LRMDA: variants seen among roughly 807,000 people sequenced by gnomAD.
LRMDA encodes the protein leucine-rich melanocyte differentiation-associated protein.
LRMDA carries 18 observed loss-of-function variants against 29.8 expected under a neutral mutation model. The ratio of observed to expected loss-of-function variants is 0.60; its 90% CI spans 0.42 to 0.90. LRMDA has a LOEUF of 0.90. LRMDA is among the 40% of genes least tolerant of loss of function. The probability of loss-of-function intolerance (pLI) is 0.00; values close to 1 mark genes in which losing one functional copy is unlikely to be tolerated. For synonymous variants in LRMDA, 125 were observed against 109.4 expected (o/e 1.14, Z -0.89); for missense variants, 273 against 273.9 (o/e 1.00, Z 0.02).
At chr10:76,408,552 T>C (rs6480815) in intron 6 of LRMDA, among the ~76,000 whole-genome samples, 128,027 of 152,042 alleles carry the variant, frequency 0.84, 54,921 homozygotes, top group Non-Finnish European at 0.94. Flanking sequence ...GTCCTTCAGG[T>C]GCCAGGGCAG....
intron 2 of LRMDA, among the ~76,000 whole-genome samples, chr10:75,531,322 C>T (rs372742059): frequency 9.9e-5 from 15 of 152,038 alleles, no homozygotes; most frequent in Admixed American, 4.6e-4. Flanking sequence ...AAGGATGAGG[C>T]GTTATTCCAA....
intron 5 of LRMDA, among the ~76,000 whole-genome samples, chr10:76,081,310 T>TA (rs913189005): frequency 2.0e-5 from 3 of 152,016 alleles, no homozygotes; most frequent in African/African-American, 7.2e-5. Flanking sequence ...ATCCTATCTA[T>TA]AAAAAATACA....
At chr10:76,151,962 TAAAG>T (rs1440881466) in intron 5 of LRMDA, among the ~76,000 whole-genome samples, 8 of 152,192 alleles carry the variant, frequency 5.3e-5, no homozygotes, top group African/African-American at 1.4e-4. Context: ...TTCTTAAAAA[TAAAG>T]AAAGCCCACA....
intron 2 of LRMDA, among the ~76,000 whole-genome samples, chr10:75,890,250 A>G (rs1845461661): frequency 6.6e-6 from 1 of 152,382 alleles, no homozygotes; most frequent in South Asian, 2.1e-4. Flanking sequence ...TCAAAAATTC[A>G]TAAGTATATT....
chr10:75,994,573 T>C (rs916825694), intron 2 of LRMDA, among the ~76,000 whole-genome samples: 6 of 152,192 alleles, frequency 3.9e-5, no homozygotes, highest in Non-Finnish European at 8.8e-5. Context: ...GGACACTCCA[T>C]GTTGCCTGAG....
At chr10:76,111,623 T>C (rs942210741) in intron 5 of LRMDA, among the ~76,000 whole-genome samples, 8 of 152,238 alleles carry the variant, frequency 5.3e-5, no homozygotes, top group African/African-American at 1.9e-4. Flanking sequence ...AAAAAGACAT[T>C]AGGCACCCAC....
intron 5 of LRMDA, among the ~76,000 whole-genome samples, chr10:76,308,332 C>T (rs893025570): frequency 1.3e-5 from 2 of 152,158 alleles, no homozygotes; most frequent in Non-Finnish European, 2.9e-5. Context: ...TTTGTCATAG[C>T]AGCGATCTCA....
chr10:76,319,139 GACCTC>G (rs1257775331), intron 5 of LRMDA: 1 of 152,230 alleles, frequency 6.6e-6, no homozygotes, highest in African/African-American at 2.4e-5. Context: ...TCGATCTCCT[GACCTC>G]GTGATCCACC....
chr10:76,256,359 C>G (rs112490688), intron 5 of LRMDA, among the ~76,000 whole-genome samples: 275 of 152,206 alleles, frequency 1.8e-3, no homozygotes, highest in African/African-American at 5.3e-3. Flanking sequence ...GAATTTTCTC[C>G]CACATGCAAA....
intron 2 of LRMDA, among the ~76,000 whole-genome samples, chr10:75,618,731 GA>G (rs898790046): frequency 6.8e-6 from 1 of 147,486 alleles, no homozygotes; most frequent in African/African-American, 2.5e-5. Flanking sequence ...TAGTAAGCTA[GA>G]AAAAAGAAAT....
At chr10:76,301,319 C>T (rs985606289) in intron 5 of LRMDA, among the ~76,000 whole-genome samples, 2 of 152,144 alleles carry the variant, frequency 1.3e-5, no homozygotes, top group Non-Finnish European at 2.9e-5. Context: ...TTTTTACATA[C>T]ATGTGAGAGG....
intron 2 of LRMDA, among the ~76,000 whole-genome samples, chr10:75,475,192 C>T (rs1391550672): frequency 2.0e-5 from 3 of 152,114 alleles, no homozygotes; most frequent in Admixed American, 6.5e-5. Flanking sequence ...TCTGAAGACC[C>T]AGGAGGCCAT....
At chr10:76,221,581 A>G (rs1476895477) in intron 5 of LRMDA, among the ~76,000 whole-genome samples, 1 of 152,252 alleles carries the variant, frequency 6.6e-6, no homozygotes, top group South Asian at 2.1e-4. Flanking sequence ...GGACCTCTTC[A>G]AGGAGAACTA....
At chr10:76,362,152 C>T (rs1439858855) in intron 6 of LRMDA, among the ~76,000 whole-genome samples, 1 of 152,204 alleles carries the variant, frequency 6.6e-6, no homozygotes, top group African/African-American at 2.4e-5. Flanking sequence ...ACACCTTTCT[C>T]TTCCATTTTC....
At chr10:76,495,116 G>T (rs767167836) in intron 6 of LRMDA, among the ~76,000 whole-genome samples, 11 of 151,800 alleles carry the variant, frequency 7.2e-5, no homozygotes, top group Non-Finnish European at 1.6e-4. Context: ...TATTCTGGAA[G>T]TTTTAGTGTT....
chr10:76,413,477 CA>C (rs1464905109), intron 6 of LRMDA, among the ~76,000 whole-genome samples: 1 of 152,058 alleles, frequency 6.6e-6, no homozygotes, highest in African/African-American at 2.4e-5. Flanking sequence ...TAATCCCTTA[CA>C]AAACCATCAG....
At chr10:76,544,273 G>T (rs1295202492) in intron 6 of LRMDA, among the ~76,000 whole-genome samples, 1 of 152,134 alleles carries the variant, frequency 6.6e-6, no homozygotes, top group Non-Finnish European at 1.5e-5. Flanking sequence ...ATTGGCCCAT[G>T]GGCAATTTTT....
intron 5 of LRMDA, among the ~76,000 whole-genome samples, chr10:76,072,646 G>C (rs1477384120): frequency 6.6e-6 from 1 of 152,156 alleles, no homozygotes; most frequent in African/African-American, 2.4e-5. Flanking sequence ...CCTCTTGAAG[G>C]AACAAGCATG....
rs76740153 is a variant in LRMDA, at chr10:76,039,449, G to A, written c.258+3315G>A. On this transcript the variant is annotated intron_variant, in intron 3 of 6. Transcript: ENST00000611255. Reference sequence around the variant, plus strand: ...GTTAGCTTTATTTTAAATTTTTTTGGTTTGTATTTTGGCATATGTAAAATG... The same window carrying A: ...GTTAGCTTTATTTTAAATTTTTTTGATTTGTATTTTGGCATATGTAAAATG... Among the ~76,000 whole-genome samples the A allele has an allele frequency of 9.1e-3, 1,381 of 152,132 alleles. 12 individuals are homozygous for A. Among genetic ancestry groups the A allele is most frequent in the South Asian group, 0.039 (187 of 4,822 alleles).
Sources: allele counts gnomAD v4.1 joint callset (sites outside exome capture counted in the v4.1 genomes callset), GRCh38; gene constraint gnomAD v4.1.1; transcripts MANE v1.5; gene names NCBI Gene and HGNC (gene_info 2026-07-23, HGNC 2026-07-21).